POLA1: variants seen among roughly 807,000 people sequenced by gnomAD.
POLA1 encodes DNA polymerase alpha catalytic subunit.
Under a neutral mutation model 124.0 loss-of-function variants are expected in POLA1, and 15 were observed. That is an observed-to-expected ratio of 0.12 (90% confidence interval 0.08 to 0.19). POLA1 has a LOEUF of 0.19. Ranked by LOEUF, POLA1 falls within the 10% of genes least tolerant of loss-of-function variation. The pLI is 1.00. For missense variants in POLA1, 886 were observed against 1,103.4 expected, an observed-to-expected ratio of 0.80 and a Z score of 2.79; for synonymous variants, 408 against 389.4, an observed-to-expected ratio of 1.05 and a Z score of -0.56.
chrX:24,968,449 C>T (rs1477700688), intron 36 of POLA1, among the ~76,000 whole-genome samples: 3 of 111,794 alleles, frequency 2.7e-5, no homozygotes, highest in Non-Finnish European at 5.6e-5. Context: ...CCTGTAATCC[C>T]AGCACTTTGG....
chrX:24,738,718 A>G (rs1173279575), intron 19 of POLA1, among the ~76,000 whole-genome samples: 1 of 111,710 alleles, frequency 9.0e-6, no homozygotes, highest in Non-Finnish European at 1.9e-5. Flanking sequence ...CAGTTTTTGT[A>G]TGAAGCACCT....
At chrX:24,887,941 C>CA (rs1048786911) in intron 34 of POLA1, 65 bp from the exon 35 acceptor site, 20 of 667,416 alleles carry the variant, frequency 3.0e-5, no homozygotes, top group Non-Finnish European at 4.2e-5. Context: ...TCTTGATAAC[C>CA]AAAAAAAGGT....
intron 33 of POLA1, 54 bp from the exon 34 acceptor site, chrX:24,843,486 CACAAAA>C (rs2147064946): frequency 2.2e-6 from 2 of 912,482 alleles, no homozygotes; most frequent in East Asian, 6.8e-5. Context: ...AGTTTTTAAG[CACAAAA>C]ACCCTTTTAT....
chrX:24,904,735 T>G (rs1031215322), intron 35 of POLA1, among the ~76,000 whole-genome samples: 2 of 111,421 alleles, frequency 1.8e-5, no homozygotes, highest in Non-Finnish European at 3.8e-5. Flanking sequence ...CCCATAAGGT[T>G]GTTTATGAGT....
At chrX:24,885,020 C>G (rs1265115046) in intron 34 of POLA1, among the ~76,000 whole-genome samples, 1 of 112,057 alleles carries the variant, frequency 8.9e-6, no homozygotes, top group Non-Finnish European at 1.9e-5. Flanking sequence ...GCAGCTCCCC[C>G]AGGGAGTTGT....
chrX:24,994,891 T>TTA (rs2048584244), intron 36 of POLA1, among the ~76,000 whole-genome samples: 1 of 110,570 alleles, frequency 9.0e-6, no homozygotes, highest in African/African-American at 3.3e-5. Flanking sequence ...ACTGCTCCTT[T>TTA]AAAAGAACAA....
At chrX:24,975,998 G>A (rs941878438) in intron 36 of POLA1, among the ~76,000 whole-genome samples, 2 of 112,376 alleles carry the variant, frequency 1.8e-5, no homozygotes, top group Admixed American at 9.4e-5. Context: ...GCTAGATCTT[G>A]TCTATAATGC....
intron 15 of POLA1, among the ~76,000 whole-genome samples, chrX:24,729,357 G>A (rs1419833944): frequency 9.0e-6 from 1 of 111,552 alleles, no homozygotes; most frequent in African/African-American, 3.3e-5. Flanking sequence ...CCCGGGTCAG[G>A]GGATGTGTAT....
chrX:24,859,985 T>C (rs1161977814), intron 34 of POLA1, among the ~76,000 whole-genome samples: 1 of 112,574 alleles, frequency 8.9e-6, no homozygotes, highest in Non-Finnish European at 1.9e-5. Context: ...GGTTTTCACC[T>C]TAAAATTATT....
chrX:24,882,345 G>A (rs2047013216), intron 34 of POLA1, among the ~76,000 whole-genome samples: 1 of 111,295 alleles, frequency 9.0e-6, no homozygotes, highest in African/African-American at 3.3e-5. Flanking sequence ...TTTTATTTTA[G>A]ATTTAGGGGG....
intron 20 of POLA1, among the ~76,000 whole-genome samples, chrX:24,740,114 T>C (rs1488186163): frequency 8.9e-6 from 1 of 111,893 alleles, no homozygotes; most frequent in Non-Finnish European, 1.9e-5. Flanking sequence ...TTACTTGATA[T>C]CTAATGTGAA....
At chrX:24,809,504 CT>C (rs951990365) in intron 26 of POLA1, among the ~76,000 whole-genome samples, 1 of 110,682 alleles carries the variant, frequency 9.0e-6, no homozygotes, top group Non-Finnish European at 1.9e-5. Context: ...ATGTAGTGTG[CT>C]TTTTTTTGCT....
intron 1 of POLA1, among the ~76,000 whole-genome samples, chrX:24,698,617 T>A (rs1043240470): frequency 8.9e-6 from 1 of 111,842 alleles, no homozygotes; most frequent in East Asian, 2.8e-4. Context: ...AGAGACCATG[T>A]CTTTTTTATC....
chrX:24,717,183 G>A, intron 8 of POLA1, 107 bp from the exon 9 acceptor site: 3 of 657,659 alleles, frequency 4.6e-6, no homozygotes, highest in Non-Finnish European at 7.2e-6. Context: ...AAAAGGGACA[G>A]GCTGCTATTT....
At chrX:24,919,035 A>G (rs1033549877) in intron 35 of POLA1, among the ~76,000 whole-genome samples, 4 of 111,900 alleles carry the variant, frequency 3.6e-5, no homozygotes, top group African/African-American at 1.3e-4. Context: ...GGAGGAGACA[A>G]ACATCCAAAT....
At chrX:24,939,070 G>C (rs1242660627) in intron 36 of POLA1, among the ~76,000 whole-genome samples, 1 of 111,962 alleles carries the variant, frequency 8.9e-6, no homozygotes, top group Admixed American at 9.5e-5. Flanking sequence ...TGTGTTACTC[G>C]TTCTATAAAA....
At chrX:24,770,320 A>G (rs1384568489) in intron 26 of POLA1, among the ~76,000 whole-genome samples, 1 of 111,275 alleles carries the variant, frequency 9.0e-6, no homozygotes, top group Non-Finnish European at 1.9e-5. Flanking sequence ...AACAAATTCC[A>G]TGCCATATGA....
chrX:24,713,503 C>T (rs1929614130), intron 4 of POLA1, among the ~76,000 whole-genome samples: 1 of 110,941 alleles, frequency 9.0e-6, no homozygotes, highest in Non-Finnish European at 1.9e-5. Flanking sequence ...TGCAATCTCG[C>T]CTCCGGGGTT....
chrX:24,983,010 G>A lies in POLA1; in HGVS notation c.4262-12795G>A, dbSNP rs759365179. ...ATAATTGAGTTGTGATCTTTTAACT[G>A]TATTGCATTAATAATAAAAGCAACT... is the stretch of plus-strand genomic sequence containing the variant. On this transcript the variant is annotated intron_variant, in intron 36 of 36. Coordinates refer to ENST00000379068, the MANE Select transcript of POLA1 (RefSeq NM_001330360.2). Among the ~76,000 whole-genome samples, 5 of 112,205 alleles carry A rather than the reference G, an allele frequency of 4.5e-5. No homozygotes were observed. In the South Asian group the frequency reaches 1.5e-3, roughly 33 times the overall value.
Sources: gnomAD v4.1 joint callset for allele counts (sites outside exome capture counted in the v4.1 genomes callset) on GRCh38, gnomAD v4.1.1 for gene constraint, MANE v1.5 for transcripts, NCBI Gene and HGNC (gene_info 2026-07-23, HGNC 2026-07-21) for gene names.